Variants in COL24A1 observed in about 807,000 individuals in gnomAD.
COL24A1 encodes collagen type XXIV alpha 1 chain.
In COL24A1, 224 loss-of-function variants were observed where a neutral mutation model predicts 253.9. The observed-to-expected ratio is 0.88, with a 90% confidence interval of 0.79 to 0.99. The LOEUF is 0.99. Among genes scored for constraint, COL24A1 ranks in the 50% least tolerant of loss-of-function variants. The probability of loss-of-function intolerance (pLI) is 0.00; values close to 1 mark genes in which losing one functional copy is unlikely to be tolerated. For missense variants in COL24A1, 2,131 were observed against 2,068.5 expected (o/e 1.03, Z -0.59); for synonymous variants, 685 against 673.7 (o/e 1.02, Z -0.26).
intron 52 of COL24A1, 109 bp downstream of exon 52, chr1:85,781,111 T>G (rs1669095205): frequency 3.9e-6 from 3 of 762,260 alleles, no homozygotes; most frequent in Non-Finnish European, 6.0e-6. Context: ...TGTATATCTA[T>G]TTTTTCCATT....
intron 24 of COL24A1, among the ~76,000 whole-genome samples, chr1:85,923,311 C>T (rs1055052143): frequency 1.3e-5 from 2 of 152,112 alleles, no homozygotes; most frequent in African/African-American, 4.8e-5. Context: ...AGCTCTGCAC[C>T]AAGTGGATCT....
At chr1:85,832,193 C>G (rs1558307103) in intron 43 of COL24A1, among the ~76,000 whole-genome samples, 1 of 152,022 alleles carries the variant, frequency 6.6e-6, no homozygotes, top group Non-Finnish European at 1.5e-5. Flanking sequence ...AATCCTTTCC[C>G]CATTGCTCGT....
chr1:85,737,220 T>C (rs542544828), intron 58 of COL24A1, among the ~76,000 whole-genome samples, 176 bp downstream of exon 58: 5 of 152,200 alleles, frequency 3.3e-5, no homozygotes, highest in Admixed American at 6.5e-5. Flanking sequence ...ATGTCAAGAT[T>C]TACTGTGATT....
intron 53 of COL24A1, among the ~76,000 whole-genome samples, chr1:85,771,614 C>A (rs1667965181): frequency 6.6e-6 from 1 of 152,100 alleles, no homozygotes; most frequent in Admixed American, 6.5e-5. Context: ...TGGGTATATG[C>A]CCAGTAATGG....
At chr1:86,066,028 G>A (rs956425046) in intron 7 of COL24A1, among the ~76,000 whole-genome samples, 1 of 152,090 alleles carries the variant, frequency 6.6e-6, no homozygotes, top group African/African-American at 2.4e-5. Context: ...CAGATGCAGA[G>A]AAAGTAGATA....
At chr1:85,772,437 C>T (rs1017965776) in intron 53 of COL24A1, among the ~76,000 whole-genome samples, 2 of 152,018 alleles carry the variant, frequency 1.3e-5, no homozygotes, top group African/African-American at 4.8e-5. Flanking sequence ...TACCATTTGA[C>T]CCAGCCATCC....
chr1:85,864,226 A>C (rs111572259), intron 37 of COL24A1, among the ~76,000 whole-genome samples: 90 of 152,348 alleles, frequency 5.9e-4, no homozygotes, highest in Admixed American at 5.2e-4. Flanking sequence ...AGCCATAAAA[A>C]AGGATGAGTT....
intron 24 of COL24A1, among the ~76,000 whole-genome samples, chr1:85,942,260 T>G (rs970985384): frequency 6.6e-6 from 1 of 152,190 alleles, no homozygotes; most frequent in African/African-American, 2.4e-5. Flanking sequence ...CTTTGAGATA[T>G]GCTGCAGAAA....
rs187951513 is a variant in COL24A1, at chr1:85,995,282, C to T, written c.2311-7628G>A. Among the ~76,000 whole-genome samples, 6 of 151,764 alleles carry T rather than the reference C, an allele frequency of 4.0e-5. No individual in the cohort carries two copies. In the East Asian group the frequency reaches 7.8e-4, roughly 20 times the overall value. On this transcript the variant is annotated intron_variant, in intron 19 of 59. Coordinates refer to ENST00000370571, the MANE Select transcript of COL24A1 (RefSeq NM_152890.7). ...TTTTTTTTTTTTAGAGATGTGGTCTCGTTTTGTTGCCCAGGCTGGTCTTGA... is the reference window on the plus strand; with the variant it reads ...TTTTTTTTTTTTAGAGATGTGGTCTTGTTTTGTTGCCCAGGCTGGTCTTGA...
chr1:85,773,854 C>T (rs571085196), intron 53 of COL24A1, among the ~76,000 whole-genome samples: 1 of 152,230 alleles, frequency 6.6e-6, no homozygotes, highest in African/African-American at 2.4e-5. Context: ...TATTTGAATA[C>T]CCTTTATTTC....
chr1:86,112,080 G>A (rs926600351), intron 5 of COL24A1, among the ~76,000 whole-genome samples: 3 of 152,046 alleles, frequency 2.0e-5, no homozygotes, highest in Non-Finnish European at 4.4e-5. Flanking sequence ...AACTATGTAC[G>A]CTCATATATA....
chr1:86,030,402 G>C (rs1698459328), intron 14 of COL24A1: 1 of 152,294 alleles, frequency 6.6e-6, no homozygotes, highest in African/African-American at 2.4e-5. Context: ...CTGGTGGCCT[G>C]GTGGAGCATG....
At chr1:85,874,505 T>C in intron 35 of COL24A1, 144 bp downstream of exon 35, 1 of 734,430 alleles carries the variant, frequency 1.4e-6, no homozygotes, top group Non-Finnish European at 2.2e-6. Context: ...ATGCAGCTTT[T>C]GAAAGTATGA....
chr1:86,152,636 GGGAGA>G (rs1652924681), intron 1 of COL24A1, among the ~76,000 whole-genome samples: 1 of 152,178 alleles, frequency 6.6e-6, no homozygotes, highest in Non-Finnish European at 1.5e-5. Context: ...TGCAGTGCAA[GGGAGA>G]TAAATGCTTA....
intron 20 of COL24A1, among the ~76,000 whole-genome samples, chr1:85,973,345 A>T (rs1287844215): frequency 2.0e-5 from 3 of 152,186 alleles, no homozygotes; most frequent in Admixed American, 6.6e-5. Flanking sequence ...ATTATGGCAG[A>T]TGGTCCATTA....
intron 47 of COL24A1, among the ~76,000 whole-genome samples, chr1:85,794,595 C>T (rs1379949810): frequency 6.6e-6 from 1 of 152,158 alleles, no homozygotes; most frequent in African/African-American, 2.4e-5. Flanking sequence ...AACAATGTTT[C>T]ATACAAGTAA....
chr1:86,041,128 A>C (rs920482654), intron 12 of COL24A1, among the ~76,000 whole-genome samples: 1 of 152,204 alleles, frequency 6.6e-6, no homozygotes, highest in African/African-American at 2.4e-5. Flanking sequence ...TATAGTTAGA[A>C]AAGTAAACAT....
intron 5 of COL24A1, among the ~76,000 whole-genome samples, chr1:86,104,912 C>T (rs895704431): frequency 6.6e-6 from 1 of 152,200 alleles, no homozygotes; most frequent in African/African-American, 2.4e-5. Context: ...AGACCAGCCT[C>T]CATGCAGGTA....
At chr1:86,046,294 T>C (rs1699895962) in intron 12 of COL24A1, among the ~76,000 whole-genome samples, 1 of 152,154 alleles carries the variant, frequency 6.6e-6, no homozygotes, top group Non-Finnish European at 1.5e-5. Flanking sequence ...TTCTCATTTG[T>C]TAAGCAATGG....
Sources: allele counts gnomAD v4.1 joint callset (sites outside exome capture counted in the v4.1 genomes callset), GRCh38; gene constraint gnomAD v4.1.1; transcripts MANE v1.5; gene names NCBI Gene and HGNC (gene_info 2026-07-23, HGNC 2026-07-21).